The following MSR1 variants were observed in gnomAD, a reference collection of about 807,000 sequenced individuals.
MSR1 encodes macrophage scavenger receptor types I and II.
Under a neutral mutation model 47.2 loss-of-function variants are expected in MSR1, and 53 were observed. The ratio of observed to expected loss-of-function variants is 1.12; its 90% CI spans 0.90 to 1.41. The LOEUF (loss-of-function observed/expected upper bound fraction) is 1.41. MSR1 is among the 40% of genes most tolerant of loss of function. MSR1 has a pLI of 0.00. For missense variants in MSR1, 786 were observed against 546.9 expected (o/e 1.44, Z -4.36); for synonymous variants, 239 against 185.6 (o/e 1.29, Z -2.34).
At chr8:16,112,903 A>AG (rs1305160609) in intron 9 of MSR1, among the ~76,000 whole-genome samples, 1 of 145,402 alleles carries the variant, frequency 6.9e-6, no homozygotes, top group Non-Finnish European at 1.5e-5. Context: ...TTATAATTTG[A>AG]GGGTTGTAGG....
chr8:16,159,956 A>C (rs1801117487), intron 5 of MSR1, among the ~76,000 whole-genome samples: 1 of 152,082 alleles, frequency 6.6e-6, no homozygotes, highest in South Asian at 2.1e-4. Flanking sequence ...CAGGATGCAC[A>C]AAGTACTGGG....
At chr8:16,140,563 T>C (rs1800528201) in intron 8 of MSR1, 1 of 1,042,358 alleles carries the variant, frequency 9.6e-7, no homozygotes, top group East Asian at 8.3e-5. Context: ...ACAAGTGTTA[T>C]ATTGTATGGT....
chr8:16,118,111 A>T (rs1799918974), intron 9 of MSR1, among the ~76,000 whole-genome samples: 1 of 152,152 alleles, frequency 6.6e-6, no homozygotes, highest in African/African-American at 2.4e-5. Flanking sequence ...GTGGTATTTT[A>T]GGATACTTTT....
intron 8 of MSR1, among the ~76,000 whole-genome samples, chr8:16,128,901 T>C (rs1006082661): frequency 1.3e-5 from 2 of 152,182 alleles, no homozygotes; most frequent in Admixed American, 6.5e-5. Flanking sequence ...ATATGTTTGT[T>C]AGCTTACACT....
intron 8 of MSR1, chr8:16,140,943 A>G (rs1800540117): frequency 3.7e-6 from 6 of 1,613,714 alleles, no homozygotes; most frequent in Non-Finnish European, 5.1e-6. Context: ...ACTTGTCCAG[A>G]GGTGAAGGGC....
intron 9 of MSR1, 102 bp from the exon 10 acceptor site, chr8:16,110,320 G>A (rs542598506): frequency 3.7e-6 from 5 of 1,352,846 alleles, no homozygotes; most frequent in Non-Finnish European, 5.2e-6. Context: ...ACAAAAAAGT[G>A]TTGATTATTT....
In MSR1 at chr8:16,139,794, T is replaced by A. The variant is rs67548047; in HGVS notation, c.1033+3764A>T. On this transcript the variant is annotated intron_variant, in intron 8 of 9. Coordinates refer to ENST00000262101, the MANE Select transcript of MSR1 (RefSeq NM_138715.3). The stretch of plus-strand genomic sequence containing the variant: ...AAAAAAATATATATATATATATATA[T>A]ATATATATATATATATATATATATA... 5.7e-3 allele frequency: 279 copies of A among 49,116 alleles called. 1 individual carries two copies. The highest frequency in any genetic ancestry group is 9.2e-3 in the Non-Finnish European group (217 of 23,516). 3.0% of individuals were successfully genotyped at this position (49,116 alleles called of 1,614,324 possible). A position where few individuals can be genotyped will look rare whatever the true frequency, so the allele number is the denominator to read the frequency against.
At chr8:16,143,502 T>C (rs1423967936) in intron 8 of MSR1, 56 bp downstream of exon 8, 1 of 1,496,120 alleles carries the variant, frequency 6.7e-7, no homozygotes, top group Non-Finnish European at 9.3e-7. Context: ...ATCTCTAGTA[T>C]CACAGACTTA....
At chr8:16,187,242 A>C (rs974432266) in intron 1 of MSR1, among the ~76,000 whole-genome samples, 26 of 151,552 alleles carry the variant, frequency 1.7e-4, no homozygotes, top group African/African-American at 6.1e-4. Context: ...GGGTACCTCT[A>C]ATCCCAGCTA....
intron 4 of MSR1, 126 bp downstream of exon 4, chr8:16,168,332 T>C: frequency 4.4e-6 from 4 of 902,378 alleles, no homozygotes; most frequent in Non-Finnish European, 7.1e-6. Flanking sequence ...AAGTTAGCCA[T>C]AGAAATCAGG....
intron 5 of MSR1, among the ~76,000 whole-genome samples, chr8:16,161,558 A>G (rs1157069015): frequency 6.6e-6 from 1 of 152,034 alleles, no homozygotes; most frequent in Non-Finnish European, 1.5e-5. Flanking sequence ...TACCCTTGCA[A>G]CATCACAATC....
Position 16,134,825 on chromosome 8 carries a change from C to A in MSR1, c.1033+8733G>T, listed in dbSNP as rs559527013. Among the ~76,000 whole-genome samples the A allele has an allele frequency of 4.6e-5, 7 of 152,244 alleles. No individual in the cohort carries two copies. The South Asian group carries it at 1.5e-3, about 32-fold the overall frequency. On this transcript the variant is annotated intron_variant, in intron 8 of 9. Transcript: ENST00000262101. ...AACACAAAAATAATAAGAAAACAAA[C>A]CACCTTATTGCCGATATAAAGTTTT...
chr8:16,175,162 AT>A (rs1801605267), intron 3 of MSR1, 24 bp downstream of exon 3: 1 of 1,595,368 alleles, frequency 6.3e-7, no homozygotes, highest in Non-Finnish European at 8.6e-7. Context: ...GAGTTACTAA[AT>A]TTCAAAACTC....
At chr8:16,149,907 G>A (rs1310803530) in intron 7 of MSR1, among the ~76,000 whole-genome samples, 1 of 151,420 alleles carries the variant, frequency 6.6e-6, no homozygotes, top group African/African-American at 2.4e-5. Flanking sequence ...ATGATTGTGA[G>A]GAGTTTATAA....
At chr8:16,176,876 G>A (rs35495061) in intron 2 of MSR1, among the ~76,000 whole-genome samples, 341 of 152,204 alleles carry the variant, frequency 2.2e-3, no homozygotes, top group Admixed American at 3.8e-3. Context: ...CTGTGCCCTG[G>A]AGTTGAGGTC....
At chr8:16,183,913 G>A (rs1215340878) in intron 1 of MSR1, among the ~76,000 whole-genome samples, 3 of 142,350 alleles carry the variant, frequency 2.1e-5, no homozygotes, top group Non-Finnish European at 3.0e-5. Flanking sequence ...ATATATATAT[G>A]GCACAGGCAT....
intron 1 of MSR1, among the ~76,000 whole-genome samples, 162 bp from the exon 2 acceptor site, chr8:16,178,154 G>A (rs1332772782): frequency 6.6e-6 from 1 of 150,636 alleles, no homozygotes; most frequent in African/African-American, 2.5e-5. Flanking sequence ...TGCACAACGT[G>A]CAGGTCTGTC....
At chr8:16,163,944 G>C in intron 5 of MSR1, 121 bp downstream of exon 5, 1 of 766,950 alleles carries the variant, frequency 1.3e-6, no homozygotes, top group Non-Finnish European at 2.0e-6. Context: ...GGTATTTGCA[G>C]TAAATGTAAG....
intron 5 of MSR1, among the ~76,000 whole-genome samples, chr8:16,160,144 T>G (rs1303066100): frequency 6.6e-6 from 1 of 151,978 alleles, no homozygotes; most frequent in Non-Finnish European, 1.5e-5. Flanking sequence ...TAAGACTTCC[T>G]TTAGGAAGGC....
Sources: allele counts gnomAD v4.1 joint callset (sites outside exome capture counted in the v4.1 genomes callset), GRCh38; gene constraint gnomAD v4.1.1; transcripts MANE v1.5; gene names NCBI Gene and HGNC (gene_info 2026-07-23, HGNC 2026-07-21).